Variants in USP15 observed in about 807,000 individuals in gnomAD.
The protein encoded by USP15 is ubiquitin carboxyl-terminal hydrolase 15.
USP15 carries 18 observed loss-of-function variants against 127.1 expected under a neutral mutation model. That is an observed-to-expected ratio of 0.14 (90% confidence interval 0.10 to 0.21). USP15 has a LOEUF of 0.21. Ranked by LOEUF, USP15 falls within the 10% of genes least tolerant of loss-of-function variation. The probability of loss-of-function intolerance (pLI) is 1.00; values close to 1 mark genes in which losing one functional copy is unlikely to be tolerated. For synonymous variants in USP15, 364 were observed against 393.7 expected, an observed-to-expected ratio of 0.92 and a Z score of 0.89; for missense variants, 805 against 1,159.9, an observed-to-expected ratio of 0.69 and a Z score of 4.44.
intron 4 of USP15, among the ~76,000 whole-genome samples, chr12:62,318,967 A>G (rs2064909528): frequency 6.6e-6 from 1 of 152,220 alleles, no homozygotes; most frequent in Non-Finnish European, 1.5e-5. Context: ...GGATTGTTGC[A>G]GTAACCTAGT....
intron 9 of USP15, 44 bp from the exon 10 acceptor site, chr12:62,383,796 A>G (rs1565903163): frequency 1.3e-5 from 21 of 1,586,438 alleles, no homozygotes; most frequent in East Asian, 4.5e-5. Flanking sequence ...TTAAAAATCA[A>G]CCCTGTTCCT....
In USP15 at chr12:62,389,940, G is replaced by A. The variant is rs1351011879; in HGVS notation, c.1796G>A (p.Arg599Gln). The A allele has an allele frequency of 6.2e-6, 10 of 1,613,180 alleles. No individual in the cohort carries two copies. The highest frequency in any genetic ancestry group is 2.2e-5 in the East Asian group (1 of 44,798). Residue 599 changes from arginine (R) to glutamine (Q), a missense_variant, in exon 14 of 22, where the codon CGA becomes CAA. This residue lies in a region of USP15 where 225 missense variants were observed against 239.5 expected (regional missense o/e 0.94). Transcript: ENST00000280377. ...CAGCCCTTTCTTATGGCTGTACCAC[G>A]AAACAATACTGAAGACAAACTTTAT... Reference protein sequence around the residue: ...FGQPFLMAVPRNNTEDKLYNL... With the variant: ...FGQPFLMAVPQNNTEDKLYNL...
intron 8 of USP15, among the ~76,000 whole-genome samples, chr12:62,372,638 T>G (rs558519489): frequency 6.6e-6 from 1 of 152,228 alleles, no homozygotes; most frequent in Admixed American, 6.5e-5. Context: ...TCAAAATTGT[T>G]TCTTTACTGA....
chr12:62,275,697 A>G (rs914124859), intron 1 of USP15, among the ~76,000 whole-genome samples: 11 of 152,132 alleles, frequency 7.2e-5, no homozygotes, highest in African/African-American at 2.7e-4. Flanking sequence ...CCAAGGAAGC[A>G]GAAGGAAATT....
chr12:62,338,047 A>G (rs1033602384), intron 6 of USP15, among the ~76,000 whole-genome samples: 6 of 152,204 alleles, frequency 3.9e-5, no homozygotes, highest in African/African-American at 1.4e-4. Flanking sequence ...ATCCTTGAGG[A>G]ATCGCCACAC....
At chr12:62,308,779 A>G (rs557564373) in intron 3 of USP15, among the ~76,000 whole-genome samples, 2 of 152,294 alleles carry the variant, frequency 1.3e-5, no homozygotes, top group South Asian at 2.1e-4. Flanking sequence ...AATGATAGAA[A>G]TTGTTCACTG....
At chr12:62,390,070 T>G (rs2067274282) in intron 14 of USP15, 82 bp downstream of exon 14, 3 of 1,288,068 alleles carry the variant, frequency 2.3e-6, no homozygotes, top group Non-Finnish European at 3.1e-6. Context: ...ACACATAAGG[T>G]ACTATTGGAA....
chr12:62,324,150 A>G (rs952154839), intron 5 of USP15, among the ~76,000 whole-genome samples: 3 of 152,016 alleles, frequency 2.0e-5, no homozygotes, highest in African/African-American at 7.2e-5. Context: ...CTTTTCAAAA[A>G]TATTTTTATT....
intron 6 of USP15, among the ~76,000 whole-genome samples, chr12:62,348,943 A>G (rs1489793373): frequency 6.6e-6 from 1 of 152,152 alleles, no homozygotes; most frequent in Non-Finnish European, 1.5e-5. Flanking sequence ...CTAAACTCGG[A>G]AATGGGTATA....
At chr12:62,400,528 T>G (rs1342368382) in intron 20 of USP15, among the ~76,000 whole-genome samples, 1 of 150,920 alleles carries the variant, frequency 6.6e-6, no homozygotes, top group Admixed American at 6.6e-5. Context: ...GTTTGATCTG[T>G]GGTTGGTTGG....
chr12:62,354,890 C>T (rs1429871297), intron 7 of USP15: 5 of 152,078 alleles, frequency 3.3e-5, no homozygotes, highest in African/African-American at 1.2e-4. Context: ...CTGCTCTTAC[C>T]TGTAACTTTT....
At chr12:62,276,697 A>T (rs2063500648) in intron 1 of USP15, among the ~76,000 whole-genome samples, 1 of 152,064 alleles carries the variant, frequency 6.6e-6, no homozygotes, top group African/African-American at 2.4e-5. Context: ...TAAATTTAGA[A>T]ATGATTGCAA....
intron 11 of USP15, among the ~76,000 whole-genome samples, chr12:62,389,069 G>GAGCCA (rs71278274): frequency 0.27 from 40,332 of 151,844 alleles, 6,576 homozygotes; most frequent in East Asian, 0.44. Context: ...AGGCTGCGGT[G>GAGCCA]AGCCAAGATC....
chr12:62,338,043 G>A (rs2065528479), intron 6 of USP15, among the ~76,000 whole-genome samples: 1 of 152,172 alleles, frequency 6.6e-6, no homozygotes, highest in Admixed American at 6.6e-5. Flanking sequence ...CTAGATCCTT[G>A]AGGAATCGCC....
At chr12:62,328,758 G>A (rs1592598062) in intron 6 of USP15, among the ~76,000 whole-genome samples, 1 of 152,188 alleles carries the variant, frequency 6.6e-6, no homozygotes, top group East Asian at 1.9e-4. Context: ...AGGAACACTA[G>A]ACCTACAAGG....
chr12:62,395,686 CTCTG>C (rs572219845), intron 19 of USP15, among the ~76,000 whole-genome samples: 60 of 151,714 alleles, frequency 4.0e-4, no homozygotes, highest in South Asian at 3.1e-3. Context: ...CATCCTTCTA[CTCTG>C]TCTGTCTATG....
At chr12:62,332,820 A>G (rs2065345492) in intron 6 of USP15, among the ~76,000 whole-genome samples, 1 of 128,804 alleles carries the variant, frequency 7.8e-6, no homozygotes, top group Non-Finnish European at 1.8e-5. Flanking sequence ...AGGGAATTCC[A>G]AATTGATGAC....
At chr12:62,335,892 G>C in intron 6 of USP15, 5 of 985,250 alleles carry the variant, frequency 5.1e-6, no homozygotes, top group Non-Finnish European at 6.0e-6. Context: ...TGCATGATAC[G>C]ACCTTTTATG....
chr12:62,276,194 T>C (rs184440627), intron 1 of USP15, among the ~76,000 whole-genome samples: 1 of 152,278 alleles, frequency 6.6e-6, no homozygotes, highest in East Asian at 1.9e-4. Context: ...AGATTATACA[T>C]TGGTACATTT....
Sources: gnomAD v4.1 joint callset for allele counts (sites outside exome capture counted in the v4.1 genomes callset) on GRCh38, gnomAD v4.1.1 for gene constraint, gnomAD v4.1.1 regional missense constraint, MANE v1.5 for transcripts, NCBI Gene and HGNC (gene_info 2026-07-23, HGNC 2026-07-21) for gene names.